ACLY: variants seen among roughly 807,000 people sequenced by gnomAD.
The protein encoded by ACLY is ATP citrate lyase, also known as ATP-citrate synthase.
Under a neutral mutation model 133.0 loss-of-function variants are expected in ACLY, and 41 were observed. That is an observed-to-expected ratio of 0.31 (90% CI 0.24 to 0.40). ACLY has a LOEUF of 0.40. ACLY is among the 10% of genes least tolerant of loss of function. The pLI is 1.00. For synonymous variants in ACLY, 495 were observed against 549.3 expected, an observed-to-expected ratio of 0.90 and a Z score of 1.38; for missense variants, 1,046 against 1,453.8, an observed-to-expected ratio of 0.72 and a Z score of 4.56.
chr17:41,909,143 A>C (rs887090958), intron 5 of ACLY, 75 bp from the exon 6 acceptor site: 37 of 1,128,488 alleles, frequency 3.3e-5, no homozygotes, highest in Non-Finnish European at 4.6e-5. Flanking sequence ...GCCCCGCAGC[A>C]ATCTCTCACT....
rs781923528 is a variant in ACLY at position 41,878,803 on chromosome 17, A to G, written c.2387T>C (p.Ile796Thr). ...CTCCCCAAGGTCCACTTACTGGATG[A>G]TCTCTCCAAGCTCATCAAAGCTCCG... ...VPRSFDELGE[I>T]IQSVYEDLVA... is the part of the protein sequence containing the mutation. The change falls in exon 21 of 29, where the codon ATC becomes ACC. Residue 796 changes from isoleucine (I) to threonine (T), a missense_variant. Physicochemically the swap from Ile to Thr is moderately conservative, Grantham distance 89 (BLOSUM62 -1). Coordinates refer to ENST00000352035, the MANE Select transcript of ACLY (RefSeq NM_001096.3). The G allele has an allele frequency of 6.2e-7, 1 of 1,613,842 alleles. No individual in the cohort carries two copies. Among genetic ancestry groups the G allele is most frequent in the Admixed American group, 1.7e-5 (1 of 59,986 alleles).
In ACLY at chr17:41,868,299, G is replaced by A. The variant is rs562884310; in HGVS notation, c.3212-395C>T. ...TAAAAATACAAAAAATTAGCCAGGC[G>A]TGGTGGCATGCGCCTGTAGTCCCAG... is the stretch of plus-strand genomic sequence containing the variant. On this transcript the variant is annotated intron_variant, in intron 28 of 28. Coordinates refer to ENST00000352035, the MANE Select transcript of ACLY (RefSeq NM_001096.3). 1.9e-3 allele frequency among the ~76,000 whole-genome samples: 284 copies of A among 151,678 alleles called. 1 individual carries two copies. The highest frequency in any genetic ancestry group is 6.4e-3 in the African/African-American group (264 of 41,368).
At chr17:41,897,523 G>C (rs1465656109) in intron 13 of ACLY, among the ~76,000 whole-genome samples, 1 of 152,110 alleles carries the variant, frequency 6.6e-6, no homozygotes, top group East Asian at 1.9e-4. Context: ...AAGAGAATAG[G>C]GGGAGTTGAG....
chr17:41,901,126 TG>T (rs1200754725), intron 11 of ACLY, among the ~76,000 whole-genome samples: 3 of 151,546 alleles, frequency 2.0e-5, no homozygotes, highest in Non-Finnish European at 2.9e-5. Context: ...GGCTAATTTT[TG>T]TATTTTTTTT....
chr17:41,885,759 C>T (rs1555628048), intron 18 of ACLY, among the ~76,000 whole-genome samples: 1 of 152,128 alleles, frequency 6.6e-6, no homozygotes, highest in African/African-American at 2.4e-5. Flanking sequence ...TGGCCCCTGC[C>T]ACCCACCCCC....
At position 41,873,842 on chromosome 17, in the gene ACLY, C is replaced by T. The variant is rs1555625533; in HGVS notation, c.2611G>A (p.Gly871Arg). The T allele has an allele frequency of 1.3e-6, 2 of 1,590,504 alleles. No homozygotes were observed. The highest frequency in any genetic ancestry group is 1.7e-6 in the Non-Finnish European group (2 of 1,162,924). The part of the protein sequence containing the change: ...EVFKEEMGIG[G>R]VLGLLWFQKR... ...TGGAACCAGAGGAGGCCGAGGACCC[C>T]GCCAATGCCCATCTCTTCCTTGAAG... Residue 871 changes from glycine to arginine, a missense_variant, in exon 23 of 29, where the codon GGG (glycine) becomes AGG (arginine). Coordinates refer to ENST00000352035, the MANE Select transcript of ACLY (RefSeq NM_001096.3).
chr17:41,873,668 C>A, intron 23 of ACLY, 143 bp downstream of exon 23: 1 of 1,021,474 alleles, frequency 9.8e-7, no homozygotes, highest in Admixed American at 3.0e-5. Flanking sequence ...ATGTGTCCTT[C>A]CTCTGGCCGC....
At chr17:41,916,100 C>G (rs1244670994) in intron 1 of ACLY, among the ~76,000 whole-genome samples, 1 of 152,118 alleles carries the variant, frequency 6.6e-6, no homozygotes, top group African/African-American at 2.4e-5. Context: ...AATTTCAGGT[C>G]CAAGAGCCCA....
upstream of ACLY, among the ~76,000 whole-genome samples, chr17:41,922,278 C>G (rs192664041): frequency 2.2e-3 from 326 of 149,570 alleles, 2 homozygotes; most frequent in African/African-American, 7.3e-3. Flanking sequence ...ACTCAGGAGG[C>G]TGAGGCAGGA....
chr17:41,913,601 G>T, intron 2 of ACLY, 114 bp downstream of exon 2: 1 of 1,147,854 alleles, frequency 8.7e-7, no homozygotes, highest in Non-Finnish European at 1.2e-6. Flanking sequence ...TCCCACAGCT[G>T]CTGCTGGCAG....
intron 16 of ACLY, among the ~76,000 whole-genome samples, chr17:41,891,966 G>C (rs1364319969): frequency 6.6e-6 from 1 of 152,174 alleles, no homozygotes; most frequent in Non-Finnish European, 1.5e-5. Flanking sequence ...GCCTTCCAAA[G>C]TCCTAGGATT....
chr17:41,871,738 A>G lies in ACLY; in HGVS notation c.2888T>C (p.Met963Thr), dbSNP rs139693539. The G allele has an allele frequency of 8.1e-6, 13 of 1,614,078 alleles. No homozygotes were observed. The Middle Eastern group carries it at 4.9e-4, about 61-fold the overall frequency. ...GIIPMEFVNKMKKEGKLIMGI... is the reference protein window; with the variant it reads ...GIIPMEFVNKTKKEGKLIMGI... ...CATGATCAGCTTCCCTTCCTTCTTC[A>G]TCTTGTTCACAAACTCCATGGGGAT... The change falls in exon 25 of 29, where the codon ATG becomes ACG. Residue 963 changes from methionine (M) to threonine (T), a missense_variant. By Grantham distance (81) the Met-to-Thr change is moderately conservative (BLOSUM62 -1). Transcript: ENST00000352035.
chr17:41,877,551 A>G (rs2048796872), intron 22 of ACLY, among the ~76,000 whole-genome samples: 1 of 151,828 alleles, frequency 6.6e-6, no homozygotes, highest in East Asian at 1.9e-4. Flanking sequence ...CCTGGTCTCA[A>G]GCAGTCCTTC....
chr17:41,919,391 G>A (rs2050145532), upstream of ACLY, among the ~76,000 whole-genome samples: 2 of 152,220 alleles, frequency 1.3e-5, no homozygotes, highest in Non-Finnish European at 2.9e-5. Context: ...TGGGAGAAAC[G>A]GACGTCTGCA....
intron 3 of ACLY, among the ~76,000 whole-genome samples, chr17:41,911,614 G>A (rs1277348517): frequency 1.3e-5 from 2 of 152,162 alleles, no homozygotes; most frequent in Non-Finnish European, 2.9e-5. Context: ...CCAGAAGTTC[G>A]AGACCAGCCT....
chr17:41,894,990 G>A (rs1195053335), intron 14 of ACLY, among the ~76,000 whole-genome samples: 1 of 152,168 alleles, frequency 6.6e-6, no homozygotes, highest in African/African-American at 2.4e-5. Context: ...GAAGGTTCCT[G>A]ATGTTGCAAA....
chr17:41,883,043 G>T, intron 20 of ACLY, 79 bp downstream of exon 20: 1 of 1,194,718 alleles, frequency 8.4e-7, no homozygotes, highest in Non-Finnish European at 1.2e-6. Flanking sequence ...GAATTAATAA[G>T]ATGATTACCT....
intron 6 of ACLY, among the ~76,000 whole-genome samples, chr17:41,908,116 T>C (rs1288290698): frequency 3.9e-5 from 6 of 152,126 alleles, no homozygotes; most frequent in Admixed American, 3.3e-4. Flanking sequence ...ATTTAGCTGA[T>C]TGAGTTAGCA....
chr17:41,880,897 T>A (rs1555627207), intron 20 of ACLY, among the ~76,000 whole-genome samples: 1 of 150,538 alleles, frequency 6.6e-6, no homozygotes, highest in African/African-American at 2.4e-5. Context: ...CCTAAAATAA[T>A]TCAAGGACCC....
Sources: allele counts gnomAD v4.1 joint callset (sites outside exome capture counted in the v4.1 genomes callset), GRCh38; gene constraint gnomAD v4.1.1; transcripts MANE v1.5; gene names NCBI Gene and HGNC (gene_info 2026-07-23, HGNC 2026-07-21).